FUT8: variants seen among roughly 807,000 people sequenced by gnomAD.
The protein encoded by FUT8 is fucosyltransferase 8.
A neutral mutation model predicts 71.3 loss-of-function variants in FUT8; 29 were observed. The observed-to-expected ratio is 0.41, with a 90% CI of 0.30 to 0.55. FUT8 has a LOEUF of 0.55. Ranked by LOEUF, FUT8 falls within the 20% of genes least tolerant of loss-of-function variation. The pLI is 0.34. For synonymous variants in FUT8, 254 were observed against 239.3 expected, an observed-to-expected ratio of 1.06 and a Z score of -0.57; for missense variants, 544 against 702.1, an observed-to-expected ratio of 0.77 and a Z score of 2.55.
chr14:65,378,949 C>A, the FUT8 span, among the ~76,000 whole-genome samples: 30 of 140,672 alleles, frequency 2.1e-4, no homozygotes, highest in Non-Finnish European at 3.8e-4. Flanking sequence ...TGGGTTCAAG[C>A]GATTCTCCTG....
At chr14:65,386,602 C>T in the FUT8 span, among the ~76,000 whole-genome samples, 2 of 148,194 alleles carry the variant, frequency 1.3e-5, no homozygotes, top group African/African-American at 2.5e-5. Context: ...CCTCTACTTT[C>T]TGGAACATAT....
chr14:65,585,189 T>G (rs1192598697), intron 3 of FUT8, among the ~76,000 whole-genome samples: 1 of 152,114 alleles, frequency 6.6e-6, no homozygotes, highest in Non-Finnish European at 1.5e-5. Flanking sequence ...TTTATTTTAA[T>G]TTTTAAATTA....
At chr14:65,439,943 T>G in intron 1 of FUT8, among the ~76,000 whole-genome samples, 1 of 49,404 alleles carries the variant, frequency 2.0e-5, no homozygotes, top group Admixed American at 2.7e-4. Context: ...AGAAAATGTG[T>G]GTGTGTGTGT....
chr14:65,580,141 G>A (rs1339241555), intron 3 of FUT8, among the ~76,000 whole-genome samples: 5 of 149,868 alleles, frequency 3.3e-5, no homozygotes, highest in African/African-American at 4.9e-5. Flanking sequence ...ACGTCATTAG[G>A]TGATTTTTGT....
At chr14:65,609,938 A>G (rs542958607) in intron 3 of FUT8, among the ~76,000 whole-genome samples, 19 of 152,040 alleles carry the variant, frequency 1.2e-4, no homozygotes, top group African/African-American at 3.9e-4. Context: ...ATCTTTTGCC[A>G]GATTGATACT....
At chr14:65,487,686 A>G (rs2066430133) in intron 2 of FUT8, among the ~76,000 whole-genome samples, 2 of 149,772 alleles carry the variant, frequency 1.3e-5, no homozygotes, top group Admixed American at 6.7e-5. Flanking sequence ...AGAAGGGCCC[A>G]TTATCTTGCT....
rs113151469 is a variant in FUT8, at chr14:65,717,033, C to T, written c.836-4742C>T. 4.2e-3 allele frequency among the ~76,000 whole-genome samples: 586 copies of T among 140,052 alleles called. 5 individuals are homozygous for T. The highest frequency in any genetic ancestry group is 0.012 in the African/African-American group (448 of 36,968). 91.9% of individuals were successfully genotyped at this position (140,052 alleles called of 152,430 possible). ...GCAGAGGCGCTCCACACTTCCCAGA[C>T]GGGGTGGCCGGGCAGAGGTGCTCCC... On this transcript the variant is annotated intron_variant, in intron 7 of 10. Coordinates refer to ENST00000673929, the MANE Select transcript of FUT8 (RefSeq NM_001371533.1).
Position 65,630,515 on chromosome 14 carries a change from G to A in FUT8, c.597+909G>A, listed in dbSNP as rs530764148. Among the ~76,000 whole-genome samples the A allele has an allele frequency of 1.2e-4, 18 of 152,272 alleles. 1 individual carries two copies. In the South Asian group the frequency reaches 1.9e-3, roughly 16 times the overall value. ...AAAGTGGTATGAGAGTGGTACTTAA[G>A]TGATATTAATCTGAAACTAGTATTT... is the stretch of plus-strand genomic sequence containing the variant. On this transcript the variant is annotated intron_variant, in intron 6 of 10. Transcript: ENST00000673929.
chr14:65,588,109 C>T (rs994689532), intron 3 of FUT8, among the ~76,000 whole-genome samples: 4 of 151,306 alleles, frequency 2.6e-5, no homozygotes, highest in Middle Eastern at 3.4e-3. Context: ...TTTAAGAAAA[C>T]TGACACTACC....
rs987233328 is a variant in FUT8 at position 65,574,128 on chromosome 14, C to A, written c.203+12362C>A. ...TCCTTGATATTGTTTGGACTAAGGG[C>A]CTCAGTTTCTTGCTGTCTGCCAGAG... On this transcript the variant is annotated intron_variant, in intron 3 of 10. Coordinates refer to ENST00000673929, the MANE Select transcript of FUT8 (RefSeq NM_001371533.1). The surrounding 1 kb of genome is among the most constrained non-coding windows in gnomAD (Gnocchi z 5.2). Among the ~76,000 whole-genome samples, 2 of 152,234 alleles carry A rather than the reference C, an allele frequency of 1.3e-5. No individual in the cohort carries two copies. The highest frequency in any genetic ancestry group is 4.8e-5 in the African/African-American group (2 of 41,524).
chr14:65,546,128 CAT>C (rs568719359), intron 2 of FUT8, among the ~76,000 whole-genome samples: 214 of 151,798 alleles, frequency 1.4e-3, no homozygotes, highest in African/African-American at 5.0e-3. Flanking sequence ...TCAGTGAACC[CAT>C]ATTAAGTATA....
chr14:65,561,870 TG>T, intron 3 of FUT8, 104 bp downstream of exon 3: 1 of 886,184 alleles, frequency 1.1e-6, no homozygotes, highest in Non-Finnish European at 1.7e-6. Context: ...TTTTATAACC[TG>T]CTGTCTTTGC....
chr14:65,644,846 CAT>C (rs765009251), intron 6 of FUT8, among the ~76,000 whole-genome samples: 11 of 152,100 alleles, frequency 7.2e-5, no homozygotes, highest in African/African-American at 2.7e-4. Flanking sequence ...ATGGATAACT[CAT>C]ATGTGAACAA....
chr14:65,649,944 G>A (rs539179381), intron 6 of FUT8, among the ~76,000 whole-genome samples: 118 of 152,228 alleles, frequency 7.8e-4, no homozygotes, highest in African/African-American at 2.6e-3. Flanking sequence ...TCTATTTCTG[G>A]ATAAGATATA....
intron 5 of FUT8, among the ~76,000 whole-genome samples, chr14:65,629,001 C>A (rs1239926502): frequency 6.6e-6 from 1 of 152,194 alleles, no homozygotes; most frequent in African/African-American, 2.4e-5. Flanking sequence ...AAAAAATTTG[C>A]TGACCCTTGG....
At chr14:65,727,726 A>G (rs1895758068) in intron 9 of FUT8, among the ~76,000 whole-genome samples, 1 of 152,204 alleles carries the variant, frequency 6.6e-6, no homozygotes, top group African/African-American at 2.4e-5. Flanking sequence ...AGTTTTCTGC[A>G]GCTGGCTTGA....
upstream of FUT8, among the ~76,000 whole-genome samples, chr14:65,410,021 C>T (rs1370908671): frequency 6.6e-6 from 1 of 152,124 alleles, no homozygotes; most frequent in East Asian, 1.9e-4. Flanking sequence ...TGAGAGAGCG[C>T]AGCAACAGGG....
At chr14:65,519,187 C>G (rs77425817) in intron 2 of FUT8, among the ~76,000 whole-genome samples, 3,844 of 151,940 alleles carry the variant, frequency 0.025, 157 homozygotes, top group African/African-American at 0.088. Context: ...GGAACGTGTC[C>G]CATCGTATTA....
At chr14:65,615,323 C>A (rs760512484) in intron 3 of FUT8, among the ~76,000 whole-genome samples, 1 of 151,992 alleles carries the variant, frequency 6.6e-6, no homozygotes, top group African/African-American at 2.4e-5. Context: ...CCCAGGCTGG[C>A]CATGAACTCC....
Sources: gnomAD v4.1 joint callset for allele counts (sites outside exome capture counted in the v4.1 genomes callset) on GRCh38, gnomAD v4.1.1 for gene constraint, Gnocchi (gnomAD v3.1) non-coding constraint, MANE v1.5 for transcripts, NCBI Gene and HGNC (gene_info 2026-07-23, HGNC 2026-07-21) for gene names.